NEK1: variants seen among roughly 807,000 people sequenced by gnomAD.
The protein encoded by NEK1 is NIMA related kinase 1.
A neutral mutation model predicts 182.1 loss-of-function variants in NEK1; 137 were observed. The ratio of observed to expected loss-of-function variants is 0.75; its 90% CI spans 0.65 to 0.87. The LOEUF (loss-of-function observed/expected upper bound fraction) is 0.87, where lower values mean the gene tolerates loss of function less well. Ranked by LOEUF, NEK1 falls within the 40% of genes least tolerant of loss-of-function variation. The pLI is 0.00. For synonymous variants in NEK1, 513 were observed against 492.2 expected, an observed-to-expected ratio of 1.04 and a Z score of -0.56; for missense variants, 1,391 against 1,494.4, an observed-to-expected ratio of 0.93 and a Z score of 1.14.
chr4:169,454,369 G>C (rs2149477088), intron 27 of NEK1, among the ~76,000 whole-genome samples: 1 of 152,246 alleles, frequency 6.6e-6, no homozygotes, highest in South Asian at 2.1e-4. Context: ...CATGGCAAAA[G>C]AAACTACCAT....
rs986172569 is a variant in NEK1, at chr4:169,482,329, C to A, written c.2008-2795G>T. Among the ~76,000 whole-genome samples the A allele has an allele frequency of 3.9e-5, 6 of 152,136 alleles. No homozygotes were observed. The East Asian group carries it at 1.2e-3, about 29-fold the overall frequency. ...AAGAGATGGGGTCTTGCTCTGTCAC[C>A]CAGGCTGGAGTGCAGATCCAGGCAC... On this transcript the variant is annotated intron_variant, in intron 23 of 35. Transcript: ENST00000507142.
chr4:169,476,862 G>T (rs143526945), intron 26 of NEK1, among the ~76,000 whole-genome samples: 277 of 152,064 alleles, frequency 1.8e-3, no homozygotes, highest in African/African-American at 6.6e-3. Flanking sequence ...ATTTAAATAT[G>T]TATCATTAGT....
At chr4:169,528,348 GGT>G (rs1409383941) in intron 19 of NEK1, among the ~76,000 whole-genome samples, 2 of 152,154 alleles carry the variant, frequency 1.3e-5, no homozygotes, top group African/African-American at 4.8e-5. Context: ...TACAAATGCA[GGT>G]GGCCCCTAGG....
At chr4:169,402,549 G>A (rs897357867) in intron 32 of NEK1, among the ~76,000 whole-genome samples, 2 of 152,006 alleles carry the variant, frequency 1.3e-5, no homozygotes, top group Non-Finnish European at 2.9e-5. Context: ...CCAAAGTATT[G>A]GTAAGAATAT....
intron 32 of NEK1, among the ~76,000 whole-genome samples, 167 bp downstream of exon 32, chr4:169,406,429 G>C (rs987046045): frequency 1.3e-5 from 2 of 150,408 alleles, no homozygotes; most frequent in East Asian, 3.9e-4. Flanking sequence ...TTCCAGCTAG[G>C]TGACAGAGTG....
At chr4:169,582,754 C>T (rs985734663) in intron 10 of NEK1, among the ~76,000 whole-genome samples, 2 of 152,046 alleles carry the variant, frequency 1.3e-5, no homozygotes, top group Non-Finnish European at 2.9e-5. Context: ...TAGCCACATG[C>T]GCCTATTTGA....
At chr4:169,488,638 G>C (rs180683540) in intron 23 of NEK1, among the ~76,000 whole-genome samples, 1 of 152,086 alleles carries the variant, frequency 6.6e-6, no homozygotes, top group African/African-American at 2.4e-5. Flanking sequence ...GGAAATATAC[G>C]TGGTTTTACT....
At position 169,406,734 on chromosome 4, in the gene NEK1, C is replaced by G; in HGVS notation, c.3236G>C (p.Cys1079Ser). ...DANNPKMLRT[C>S]SLPDLSKLFR... is the part of the protein sequence containing the mutation. ...CAGCTTTGAGAGATCTGGAAGTGAA[C>G]ATGTCCTTAACATCTAAAATAAAAA... The change falls in exon 32 of 36, where the codon TGT becomes TCT. Residue 1079 changes from cysteine (C) to serine (S), a missense_variant. Around this residue, in one of 5 missense-constraint regions of NEK1, gnomAD observed 1,216 missense variants for 1,277.6 expected, o/e 0.95. Transcript: ENST00000507142. 6.3e-7 allele frequency: 1 copy of G among 1,588,804 alleles called. No individual in the cohort carries two copies. The highest frequency in any genetic ancestry group is 2.3e-5 in the East Asian group (1 of 43,636).
At chr4:169,403,143 T>C (rs1340354676) in intron 32 of NEK1, among the ~76,000 whole-genome samples, 1 of 152,192 alleles carries the variant, frequency 6.6e-6, no homozygotes, top group Non-Finnish European at 1.5e-5. Flanking sequence ...TATTTTGTAC[T>C]TATATGTACA....
At chr4:169,498,410 G>A (rs972848863) in intron 23 of NEK1, among the ~76,000 whole-genome samples, 3 of 152,116 alleles carry the variant, frequency 2.0e-5, no homozygotes, top group Non-Finnish European at 4.4e-5. Context: ...TTACATTTAA[G>A]GTTAATATTG....
rs564467908 is a variant in NEK1 at position 169,440,734 on chromosome 4, T to G, written c.2588-2475A>C. ...GGAAAATGGTAAGAGAGATCCCCAG[T>G]GCTCCATGTTCTCACCATGGACTCC... On this transcript the variant is annotated intron_variant, in intron 27 of 35. Transcript: ENST00000507142. Among the ~76,000 whole-genome samples the G allele has an allele frequency of 2.6e-5, 4 of 152,338 alleles. No homozygotes were observed. In the South Asian group the frequency reaches 8.3e-4, roughly 32 times the overall value.
chr4:169,494,109 T>C (rs1385188090), intron 23 of NEK1, among the ~76,000 whole-genome samples: 1 of 152,112 alleles, frequency 6.6e-6, no homozygotes, highest in Non-Finnish European at 1.5e-5. Context: ...TCTTTTTTTT[T>C]TTTTTATACT....
rs1736078678 is a variant in NEK1 at position 169,424,754 on chromosome 4, C to G, written c.3021G>C (p.Lys1007Asn). ...GGAAAAATGGTTCCGGTTGCACAGA[C>G]TTATCTACATCACATTTAGAGTGCT... ...DSQHSKCDVD[K>N]SVQPEPFFHK... The change falls in exon 31 of 36, where the codon AAG (lysine) becomes AAC (asparagine). Residue 1007 changes from lysine to asparagine, a missense_variant. Around this residue, in one of 5 missense-constraint regions of NEK1, gnomAD observed 1,216 missense variants for 1,277.6 expected, o/e 0.95. Transcript: ENST00000507142. The G allele has an allele frequency of 6.2e-7, 1 of 1,613,668 alleles. No individual in the cohort carries two copies. The highest frequency in any genetic ancestry group is 8.5e-7 in the Non-Finnish European group (1 of 1,179,664).
rs747433567 is a variant in NEK1 at position 169,477,233 on chromosome 4, A to G, written c.2325T>C (p.His775=). 1 of 1,604,178 alleles carries G rather than the reference A, an allele frequency of 6.2e-7. No homozygotes were observed. Among genetic ancestry groups the G allele is most frequent in the East Asian group, 2.2e-5 (1 of 44,648 alleles). ...EINVHEDAKE[H]EKEKSVSSDR... The stretch of plus-strand genomic sequence containing the variant: ...CAGATGAAACTGATTTTTCTTTTTC[A>G]TGCTCTTTGGCATCTTCATGAACAT... Residue 775 remains histidine, a synonymous_variant, in exon 26 of 36, where the codon CAT becomes CAC. Coordinates refer to ENST00000507142, the MANE Select transcript of NEK1 (RefSeq NM_001199397.3).
At chr4:169,415,777 T>C (rs1323023148) in intron 31 of NEK1, among the ~76,000 whole-genome samples, 1 of 152,204 alleles carries the variant, frequency 6.6e-6, no homozygotes, top group Non-Finnish European at 1.5e-5. Context: ...ACTATCTGTA[T>C]GGATGCTTAA....
chr4:169,424,531 T>C, intron 31 of NEK1, 22 bp downstream of exon 31: 1 of 1,543,066 alleles, frequency 6.5e-7, no homozygotes, highest in Non-Finnish European at 8.7e-7. Context: ...GATAATATTT[T>C]CCACTTGAGG....
intron 19 of NEK1, among the ~76,000 whole-genome samples, chr4:169,518,338 G>T (rs1285857103): frequency 9.8e-6 from 1 of 101,762 alleles, no homozygotes; most frequent in Non-Finnish European, 1.9e-5. Flanking sequence ...ATTTCTGTGG[G>T]ATCGGTGGTG....
chr4:169,459,106 A>G (rs1743469757), intron 27 of NEK1, among the ~76,000 whole-genome samples: 1 of 152,144 alleles, frequency 6.6e-6, no homozygotes, highest in African/African-American at 2.4e-5. Flanking sequence ...GAGATACTCA[A>G]TCCGTATTTG....
At chr4:169,592,412 T>C (rs1361522254) in intron 5 of NEK1, among the ~76,000 whole-genome samples, 4 of 152,204 alleles carry the variant, frequency 2.6e-5, no homozygotes, top group African/African-American at 9.6e-5. Context: ...CACTTCTATG[T>C]ATACTGTTTA....
Sources: allele counts gnomAD v4.1 joint callset (sites outside exome capture counted in the v4.1 genomes callset), GRCh38; gene constraint gnomAD v4.1.1; regional missense constraint gnomAD v4.1.1; transcripts MANE v1.5; gene names NCBI Gene and HGNC (gene_info 2026-07-23, HGNC 2026-07-21).